GPC6: variants seen among roughly 807,000 people sequenced by gnomAD.
GPC6 encodes glypican 6.
GPC6 carries 14 observed loss-of-function variants against 55.2 expected under a neutral mutation model. The observed-to-expected ratio is 0.25, with a 90% CI of 0.17 to 0.40. The LOEUF is 0.40. GPC6 is among the 10% of genes least tolerant of loss of function. GPC6 has a pLI of 1.00. For missense variants in GPC6, 641 were observed against 708.5 expected, an observed-to-expected ratio of 0.90 and a Z score of 1.08; for synonymous variants, 278 against 259.6, an observed-to-expected ratio of 1.07 and a Z score of -0.68.
In GPC6 at chr13:93,481,849, T is replaced by G. The variant is rs1389866182; in HGVS notation, c.161-63414T>G. The stretch of plus-strand genomic sequence containing the variant: ...TGTATTAAGACTTGAAATTGAGGAG[T>G]GAGTCCTGCAAATTTGTTCTTTTAC... On this transcript the variant is annotated intron_variant, in intron 1 of 8. Transcript: ENST00000377047. Among the ~76,000 whole-genome samples the G allele has an allele frequency of 2.0e-5, 3 of 152,142 alleles. No individual in the cohort carries two copies. In the East Asian group the frequency reaches 5.8e-4, roughly 29 times the overall value.
rs117860420 is a variant in GPC6, at chr13:93,662,053, T to G, written c.319+116632T>G. 3.4e-4 allele frequency among the ~76,000 whole-genome samples: 52 copies of G among 152,252 alleles called. No homozygotes were observed. The East Asian group carries it at 9.9e-3, about 29-fold the overall frequency. On this transcript the variant is annotated intron_variant, in intron 2 of 8. Coordinates refer to ENST00000377047, the MANE Select transcript of GPC6 (RefSeq NM_005708.5). ...TTCAGAAAGACAACCTTGTATATTC[T>G]CCCTACTAGCATGAAATCATCCCCT...
At chr13:93,516,854 G>T (rs1237725634) in intron 1 of GPC6, among the ~76,000 whole-genome samples, 2 of 152,054 alleles carry the variant, frequency 1.3e-5, no homozygotes, top group Non-Finnish European at 2.9e-5. Flanking sequence ...GGGTGGATAT[G>T]CAGTTAGCTA....
intron 6 of GPC6, among the ~76,000 whole-genome samples, chr13:94,354,734 G>A (rs1878710690): frequency 6.6e-6 from 1 of 152,236 alleles, no homozygotes; most frequent in African/African-American, 2.4e-5. Flanking sequence ...TATCTGAGAA[G>A]GCTTCAGACC....
intron 2 of GPC6, among the ~76,000 whole-genome samples, chr13:93,699,604 A>C (rs547395440): frequency 6.6e-6 from 1 of 152,084 alleles, no homozygotes; most frequent in Admixed American, 6.6e-5. Flanking sequence ...ACTTTTTATA[A>C]ATAATATTTT....
At chr13:93,329,933 G>A (rs1337822961) in intron 1 of GPC6, among the ~76,000 whole-genome samples, 1 of 152,006 alleles carries the variant, frequency 6.6e-6, no homozygotes, top group Non-Finnish European at 1.5e-5. Flanking sequence ...AATTCAAGAA[G>A]ACTTAGATCA....
rs141180170 is a variant in GPC6 at position 93,827,208 on chromosome 13, A to G, written c.320-2946A>G. Among the ~76,000 whole-genome samples, 548 of 152,224 alleles carry G rather than the reference A, an allele frequency of 3.6e-3. 2 individuals are homozygous for G. The highest frequency in any genetic ancestry group is 0.012 in the African/African-American group (513 of 41,542). ...TTCCATTAAAAAGAGTTCAGTTGAG[A>G]TTGCTTTTTCTTATATTGTCCTTGA... On this transcript the variant is annotated intron_variant, in intron 2 of 8. Transcript: ENST00000377047.
intron 1 of GPC6, among the ~76,000 whole-genome samples, chr13:93,347,871 A>G (rs1370260704): frequency 6.6e-6 from 1 of 152,216 alleles, no homozygotes; most frequent in African/African-American, 2.4e-5. Context: ...TTTATGAAAC[A>G]TGAGTCATCC....
intron 3 of GPC6, among the ~76,000 whole-genome samples, chr13:93,860,539 T>C (rs1888776965): frequency 1.3e-5 from 2 of 151,632 alleles, no homozygotes; most frequent in Non-Finnish European, 3.0e-5. Context: ...ATGTGGGTGA[T>C]AATGTGTCAG....
rs532196907 is a variant in GPC6, at chr13:93,509,756, G to T, written c.161-35507G>T. Among the ~76,000 whole-genome samples the T allele has an allele frequency of 3.9e-5, 6 of 152,248 alleles. No individual in the cohort carries two copies. The South Asian group carries it at 1.0e-3, about 26-fold the overall frequency. On this transcript the variant is annotated intron_variant, in intron 1 of 8. Transcript: ENST00000377047. ...AGCAAAAGTAGTAAAAGACATGCAG[G>T]TGCTTGTCATTGAGAAAAAGAAAAC...
At chr13:93,773,486 A>G (rs1343234932) in intron 2 of GPC6, among the ~76,000 whole-genome samples, 4 of 151,994 alleles carry the variant, frequency 2.6e-5, no homozygotes, top group African/African-American at 9.7e-5. Flanking sequence ...TACGTACCCC[A>G]AAATCTTTCC....
At chr13:93,221,269 A>G in the GPC6 span, among the ~76,000 whole-genome samples, 4 of 152,212 alleles carry the variant, frequency 2.6e-5, no homozygotes, top group African/African-American at 9.6e-5. Flanking sequence ...ATTATATGGA[A>G]TATTTTTATT....
At chr13:93,347,391 ACTGT>A (rs369809310) in intron 1 of GPC6, among the ~76,000 whole-genome samples, 3 of 152,170 alleles carry the variant, frequency 2.0e-5, no homozygotes, top group African/African-American at 7.2e-5. Flanking sequence ...ATTAGCAAAT[ACTGT>A]CTAATGTGAA....
intron 6 of GPC6, among the ~76,000 whole-genome samples, chr13:94,306,859 A>G (rs1361619210): frequency 1.3e-5 from 2 of 152,212 alleles, no homozygotes; most frequent in East Asian, 3.8e-4. Context: ...TACTGTAAAC[A>G]CTTTATATAC....
intron 3 of GPC6, among the ~76,000 whole-genome samples, chr13:94,011,968 T>C (rs1330851330): frequency 1.3e-5 from 2 of 152,232 alleles, no homozygotes; most frequent in South Asian, 2.1e-4. Context: ...TCCATTAATA[T>C]TGGAAAAGAG....
intron 2 of GPC6, among the ~76,000 whole-genome samples, chr13:93,756,356 C>A (rs1047820293): frequency 3.3e-5 from 5 of 152,130 alleles, no homozygotes; most frequent in Non-Finnish European, 7.3e-5. Flanking sequence ...AAGAGTACCA[C>A]CCTGGTTGAA....
intron 1 of GPC6, among the ~76,000 whole-genome samples, chr13:93,384,356 T>A (rs1875305791): frequency 6.6e-6 from 1 of 151,618 alleles, no homozygotes; most frequent in African/African-American, 2.4e-5. Context: ...TAGATATTTT[T>A]TTCATTATGA....
At chr13:93,313,856 T>C (rs1322149241) in intron 1 of GPC6, among the ~76,000 whole-genome samples, 2 of 152,104 alleles carry the variant, frequency 1.3e-5, no homozygotes, top group Non-Finnish European at 1.5e-5. Context: ...CTAAAGATTA[T>C]AAAAATGAGG....
chr13:94,140,850 C>A (rs921524617), intron 4 of GPC6, among the ~76,000 whole-genome samples: 1 of 152,070 alleles, frequency 6.6e-6, no homozygotes, highest in African/African-American at 2.4e-5. Flanking sequence ...CCAGTGCCAC[C>A]TTTGCACATT....
At chr13:94,072,515 G>A (rs183872041) in intron 4 of GPC6, among the ~76,000 whole-genome samples, 13 of 152,230 alleles carry the variant, frequency 8.5e-5, no homozygotes, top group African/African-American at 2.9e-4. Context: ...TGCCACGTCC[G>A]GCTAATTTTT....
Sources: allele counts gnomAD v4.1 joint callset (sites outside exome capture counted in the v4.1 genomes callset), GRCh38; gene constraint gnomAD v4.1.1; transcripts MANE v1.5; gene names NCBI Gene and HGNC (gene_info 2026-07-23, HGNC 2026-07-21).